Variants in FRMD4A observed in about 807,000 individuals in gnomAD.
FRMD4A encodes FERM domain-containing protein 4A.
FRMD4A carries 29 observed loss-of-function variants against 129.1 expected under a neutral mutation model. The ratio of observed to expected loss-of-function variants is 0.22; its 90% CI spans 0.17 to 0.31. The LOEUF (loss-of-function observed/expected upper bound fraction) is 0.31, where lower values mean the gene tolerates loss of function less well. FRMD4A is among the 10% of genes least tolerant of loss of function. The pLI is 1.00. For synonymous variants in FRMD4A, 634 were observed against 571.6 expected (o/e 1.11, Z -1.56); for missense variants, 1,272 against 1,375.8 (o/e 0.92, Z 1.19).
At chr10:13,750,717 C>T (rs1474327867) in intron 8 of FRMD4A, among the ~76,000 whole-genome samples, 1 of 152,172 alleles carries the variant, frequency 6.6e-6, no homozygotes, top group Non-Finnish European at 1.5e-5. Context: ...AATTGTGAAA[C>T]TTTAATGCCA....
intron 2 of FRMD4A, among the ~76,000 whole-genome samples, chr10:14,198,904 G>C (rs911268331): frequency 1.3e-5 from 2 of 152,184 alleles, no homozygotes; most frequent in African/African-American, 4.8e-5. Flanking sequence ...CAGAGCTATT[G>C]TGAGGTTTAA....
chr10:14,155,167 T>C (rs1365065673), intron 2 of FRMD4A, among the ~76,000 whole-genome samples: 2 of 152,140 alleles, frequency 1.3e-5, no homozygotes, highest in African/African-American at 4.8e-5. Flanking sequence ...TGGTGGCACA[T>C]GTTTATCGTC....
At chr10:14,109,956 G>A (rs1163574862) in intron 2 of FRMD4A, among the ~76,000 whole-genome samples, 2 of 147,648 alleles carry the variant, frequency 1.4e-5, no homozygotes, top group African/African-American at 5.0e-5. Context: ...GGGCCACACA[G>A]CAAGACTCCG....
At chr10:14,173,615 ACT>A (rs545239997) in intron 2 of FRMD4A, among the ~76,000 whole-genome samples, 293 of 152,040 alleles carry the variant, frequency 1.9e-3, no homozygotes, top group African/African-American at 6.7e-3. Flanking sequence ...AGCTGGGCAC[ACT>A]CTTTGCCTTA....
chr10:13,757,535 G>A (rs1172221567), intron 8 of FRMD4A, among the ~76,000 whole-genome samples: 1 of 152,138 alleles, frequency 6.6e-6, no homozygotes, highest in Non-Finnish European at 1.5e-5. Context: ...TCAGTGTAAA[G>A]TCCAATAAGA....
intron 2 of FRMD4A, among the ~76,000 whole-genome samples, chr10:14,109,269 T>A (rs1280137808): frequency 1.3e-5 from 2 of 151,798 alleles, no homozygotes; most frequent in Non-Finnish European, 1.5e-5. Context: ...GGTGAGATAT[T>A]GTACCCTGAA....
chr10:14,116,700 A>T (rs1838217393), intron 2 of FRMD4A, among the ~76,000 whole-genome samples: 1 of 152,226 alleles, frequency 6.6e-6, no homozygotes, highest in Admixed American at 6.5e-5. Flanking sequence ...TGTTATAAAA[A>T]TACTTGCCCA....
At chr10:14,276,991 A>C (rs976051756) in intron 2 of FRMD4A, among the ~76,000 whole-genome samples, 5 of 152,122 alleles carry the variant, frequency 3.3e-5, no homozygotes, top group Admixed American at 3.3e-4. Context: ...CAGCCTCCCA[A>C]GTAGCTGAGA....
Position 13,673,586 on chromosome 10 carries a change from G to GCA in FRMD4A, c.1251+1324_1251+1325insTG, listed in dbSNP as rs201822371. On this transcript the variant is annotated intron_variant, in intron 16 of 24. Coordinates refer to ENST00000357447, the MANE Select transcript of FRMD4A (RefSeq NM_018027.5). Reference sequence around the variant, plus strand: ...TGCACACATGTGCATGCGTGCGCGCGCGCACACACACACACACACAGAGTC... The same window carrying GCA: ...TGCACACATGTGCATGCGTGCGCGCGCACGCACACACACACACACACAGAGTC... 4.7e-3 allele frequency among the ~76,000 whole-genome samples: 706 copies of GCA among 149,912 alleles called. 6 individuals are homozygous for GCA. The highest frequency in any genetic ancestry group is 0.022 in the East Asian group (113 of 5,150).
intron 12 of FRMD4A, chr10:13,729,374 A>G (rs1457810208): frequency 6.6e-6 from 1 of 152,304 alleles, no homozygotes; most frequent in African/African-American, 2.4e-5. Context: ...AGGCCCAGCA[A>G]GGAGAAAGCG....
At chr10:13,847,835 A>G (rs1342836147) in intron 3 of FRMD4A, among the ~76,000 whole-genome samples, 1 of 152,254 alleles carries the variant, frequency 6.6e-6, no homozygotes, top group East Asian at 1.9e-4. Context: ...TTAGATCTGC[A>G]TAGCACAGCG....
Position 13,819,961 on chromosome 10 carries a change from G to A in FRMD4A, c.112-9053C>T, listed in dbSNP as rs141654386. On this transcript the variant is annotated intron_variant, in intron 3 of 24. Transcript: ENST00000357447. Reference sequence around the variant, plus strand: ...CTGGTCTCGAACTCCTGAGCGCAAGGGATCCACCTGCCTTGGCCTCCCAAG... The same window carrying A: ...CTGGTCTCGAACTCCTGAGCGCAAGAGATCCACCTGCCTTGGCCTCCCAAG... Among the ~76,000 whole-genome samples, 823 of 152,196 alleles carry A rather than the reference G, an allele frequency of 5.4e-3. 6 individuals are homozygous for A. Among genetic ancestry groups the A allele is most frequent in the African/African-American group, 0.019 (788 of 41,538 alleles).
chr10:13,879,234 A>T, intron 2 of FRMD4A, among the ~76,000 whole-genome samples: 1 of 149,958 alleles, frequency 6.7e-6, no homozygotes, highest in East Asian at 1.9e-4. Context: ...CCCCATCTCT[A>T]AAAAAAAATA....
intron 15 of FRMD4A, chr10:13,685,359 A>G: frequency 1.0e-6 from 1 of 984,518 alleles, no homozygotes; most frequent in Non-Finnish European, 1.2e-6. Flanking sequence ...TTTAACAGAG[A>G]GAGAGGAGAA....
intron 2 of FRMD4A, among the ~76,000 whole-genome samples, chr10:14,152,646 G>A (rs982301540): frequency 4.6e-5 from 7 of 152,072 alleles, no homozygotes; most frequent in African/African-American, 1.7e-4. Context: ...AAACAAGCCT[G>A]GGCAACATAG....
intron 2 of FRMD4A, among the ~76,000 whole-genome samples, chr10:13,895,962 CAAT>C (rs2094753407): frequency 6.6e-6 from 1 of 152,178 alleles, no homozygotes; most frequent in Non-Finnish European, 1.5e-5. Context: ...ATCAAAACCA[CAAT>C]GAGATGCCAT....
intron 2 of FRMD4A, among the ~76,000 whole-genome samples, chr10:14,315,163 G>GCTCTT (rs544951590): frequency 1.9e-3 from 291 of 151,652 alleles, no homozygotes; most frequent in Middle Eastern, 0.014. Context: ...ATGGATCCCG[G>GCTCTT]CTCTTCTCTG....
intron 2 of FRMD4A, among the ~76,000 whole-genome samples, chr10:14,096,529 G>C (rs780763549): frequency 3.3e-5 from 5 of 152,160 alleles, no homozygotes; most frequent in Non-Finnish European, 5.9e-5. Flanking sequence ...CAACTTTGGG[G>C]CAAATAATTA....
chr10:14,070,450 T>G (rs563031162), intron 2 of FRMD4A, among the ~76,000 whole-genome samples: 1 of 152,320 alleles, frequency 6.6e-6, no homozygotes, highest in African/African-American at 2.4e-5. Context: ...ATTATCGGTT[T>G]AGAAAGTCAG....
Sources: gnomAD v4.1 joint callset for allele counts (sites outside exome capture counted in the v4.1 genomes callset) on GRCh38, gnomAD v4.1.1 for gene constraint, MANE v1.5 for transcripts, NCBI Gene and HGNC (gene_info 2026-07-23, HGNC 2026-07-21) for gene names.